MED12L: variants seen among roughly 807,000 people sequenced by gnomAD.
MED12L encodes the protein mediator complex subunit 12L.
A neutral mutation model predicts 281.3 loss-of-function variants in MED12L; 60 were observed. The ratio of observed to expected loss-of-function variants is 0.21; its 90% CI spans 0.17 to 0.26. MED12L has a LOEUF of 0.26. Among genes scored for constraint, MED12L ranks in the 10% least tolerant of loss-of-function variants. The pLI is 1.00. For missense variants in MED12L, 2,146 were observed against 2,680.9 expected, an observed-to-expected ratio of 0.80 and a Z score of 4.41; for synonymous variants, 974 against 987.2, an observed-to-expected ratio of 0.99 and a Z score of 0.25.
At chr3:151,277,570 T>A (rs897825126) in intron 16 of MED12L, among the ~76,000 whole-genome samples, 1 of 152,214 alleles carries the variant, frequency 6.6e-6, no homozygotes, top group African/African-American at 2.4e-5. Flanking sequence ...ACAAGATGGA[T>A]TGCATGGGCT....
chr3:151,126,110 A>G (rs1316895750), intron 4 of MED12L, among the ~76,000 whole-genome samples: 1 of 145,764 alleles, frequency 6.9e-6, no homozygotes, highest in Non-Finnish European at 1.5e-5. Flanking sequence ...GTGCAGTGGC[A>G]TGATCTTGGC....
chr3:151,413,470 A>C (rs1717185414), intron 42 of MED12L, among the ~76,000 whole-genome samples, 175 bp downstream of exon 42: 1 of 152,156 alleles, frequency 6.6e-6, no homozygotes, highest in South Asian at 2.1e-4. Flanking sequence ...CAAGAATTTT[A>C]TTTTCTCTGT....
At chr3:151,360,338 A>C (rs575365593) in intron 20 of MED12L, 136 bp from the exon 21 acceptor site, 2 of 735,584 alleles carry the variant, frequency 2.7e-6, no homozygotes, top group Non-Finnish European at 4.5e-6. Context: ...GTTATTTACT[A>C]TTCTATTTAT....
intron 19 of MED12L, 29 bp from the exon 20 acceptor site, chr3:151,357,184 T>TGTTTA (rs751339893): frequency 8.4e-6 from 13 of 1,548,006 alleles, no homozygotes; most frequent in Non-Finnish European, 1.0e-5. Context: ...GGCACCTACA[T>TGTTTA]GTTTATTCAG....
At chr3:151,140,561 A>G (rs1716777574) in intron 5 of MED12L, among the ~76,000 whole-genome samples, 1 of 152,254 alleles carries the variant, frequency 6.6e-6, no homozygotes, top group Non-Finnish European at 1.5e-5. Flanking sequence ...TAAAAATATT[A>G]TACCCTCTTC....
rs139296837 is a variant in MED12L at position 151,357,251 on chromosome 3, C to A, written c.2700C>A (p.Leu900=). 7.4e-6 allele frequency: 12 copies of A among 1,613,320 alleles called. No individual in the cohort carries two copies. Among genetic ancestry groups the A allele is most frequent in the Middle Eastern group, 3.3e-4 (2 of 6,060 alleles). Residue 900 remains leucine, a synonymous_variant, in exon 20 of 45, where the codon CTC becomes CTA. Transcript: ENST00000687756. ...TGAGTGTTGTGGAAGCTGAACTGCT[C>A]CTAAAATCCTCCAGCCTGGCAGGAA... is the stretch of plus-strand genomic sequence containing the variant. ...NELSVVEAEL[L]LKSSSLAGSY...
At chr3:151,104,163 T>C (rs1000588963) in intron 2 of MED12L, among the ~76,000 whole-genome samples, 3 of 152,140 alleles carry the variant, frequency 2.0e-5, no homozygotes, top group African/African-American at 4.8e-5. Flanking sequence ...AATAGCAGTA[T>C]AGGTGACGGT....
chr3:151,226,207 T>C (rs564788830), intron 16 of MED12L, among the ~76,000 whole-genome samples: 1 of 152,166 alleles, frequency 6.6e-6, no homozygotes, highest in East Asian at 1.9e-4. Context: ...TCCTGGAGCA[T>C]GTGATAGTGA....
chr3:151,413,443 A>G (rs1717182544), intron 42 of MED12L, 148 bp downstream of exon 42: 1 of 936,552 alleles, frequency 1.1e-6, no homozygotes, highest in Non-Finnish European at 1.6e-6. Flanking sequence ...CATTGGTACA[A>G]TTTAGTTACA....
chr3:151,406,281 A>G (rs1458697949), intron 39 of MED12L, among the ~76,000 whole-genome samples: 1 of 152,218 alleles, frequency 6.6e-6, no homozygotes, highest in Non-Finnish European at 1.5e-5. Flanking sequence ...CATTTGTAAA[A>G]TATTTCAAGT....
At chr3:151,350,687 A>G (rs1753117669) in intron 17 of MED12L, among the ~76,000 whole-genome samples, 1 of 152,116 alleles carries the variant, frequency 6.6e-6, no homozygotes, top group African/African-American at 2.4e-5. Flanking sequence ...TTCTTGCATT[A>G]TTGAGAAAAA....
At chr3:151,336,484 A>G (rs1031012433) in intron 16 of MED12L, 16 of 456,108 alleles carry the variant, frequency 3.5e-5, no homozygotes, top group African/African-American at 2.6e-4. Context: ...ACACCCTTTT[A>G]TTTCTTCTGG....
In MED12L at chr3:151,365,222, C is replaced by G. The variant is rs771866412; in HGVS notation, c.3185+16C>G. 6.3e-6 allele frequency: 10 copies of G among 1,598,914 alleles called. No homozygotes were observed. Among genetic ancestry groups the G allele is most frequent in the East Asian group, 4.5e-5 (2 of 44,736 alleles). On this transcript the variant is annotated intron_variant, in intron 22 of 44. Transcript: ENST00000687756. Reference sequence around the variant, plus strand: ...ATGCTGGCAGGTGAGATGGGTTACCCTGGAATTCATGATTAACCAAAGAGT... The same window carrying G: ...ATGCTGGCAGGTGAGATGGGTTACCGTGGAATTCATGATTAACCAAAGAGT...
At chr3:151,369,231 C>T (rs1458943701) in intron 25 of MED12L, among the ~76,000 whole-genome samples, 4 of 151,994 alleles carry the variant, frequency 2.6e-5, no homozygotes, top group Non-Finnish European at 1.5e-5. Context: ...TGAGGAGGAA[C>T]GACATTGTTT....
At chr3:151,354,136 G>A (rs71306551) in intron 17 of MED12L, among the ~76,000 whole-genome samples, 69 of 53,324 alleles carry the variant, frequency 1.3e-3, no homozygotes, top group Admixed American at 5.6e-3. Flanking sequence ...GCGAGACTCC[G>A]TCTCAAAAAA....
intron 8 of MED12L, among the ~76,000 whole-genome samples, chr3:151,161,028 G>T (rs1345808454): frequency 6.6e-6 from 1 of 152,204 alleles, no homozygotes; most frequent in Non-Finnish European, 1.5e-5. Context: ...TATAAACTCT[G>T]TTGGGGGTCA....
At chr3:151,414,708 G>A (rs1717350529) in intron 42 of MED12L, among the ~76,000 whole-genome samples, 1 of 32,370 alleles carries the variant, frequency 3.1e-5, no homozygotes, top group Non-Finnish European at 5.8e-5. Flanking sequence ...TGTTAAAAAT[G>A]TTAAAAAAAA....
chr3:151,307,149 T>C (rs1270411263), intron 16 of MED12L, among the ~76,000 whole-genome samples: 1 of 152,238 alleles, frequency 6.6e-6, no homozygotes. Context: ...GAATCACCTA[T>C]AATCTAAGAA....
chr3:151,430,188 C>T, intron 43 of MED12L, 111 bp from the exon 44 acceptor site: 9 of 1,461,738 alleles, frequency 6.2e-6, no homozygotes, highest in Admixed American at 2.2e-5. Flanking sequence ...GCCCTTTTTT[C>T]GTGAAGTGTT....
Sources: allele counts gnomAD v4.1 joint callset (sites outside exome capture counted in the v4.1 genomes callset), GRCh38; gene constraint gnomAD v4.1.1; transcripts MANE v1.5; gene names NCBI Gene and HGNC (gene_info 2026-07-23, HGNC 2026-07-21).